R3HDM1: variants seen among roughly 807,000 people sequenced by gnomAD.
R3HDM1 encodes R3H domain-containing protein 1.
A neutral mutation model predicts 141.1 loss-of-function variants in R3HDM1; 46 were observed. The observed-to-expected ratio is 0.33, with a 90% CI of 0.26 to 0.42. The LOEUF is 0.42. Among genes scored for constraint, R3HDM1 ranks in the 10% least tolerant of loss-of-function variants. The pLI is 1.00. For synonymous variants in R3HDM1, 435 were observed against 472.9 expected, an observed-to-expected ratio of 0.92 and a Z score of 1.04; for missense variants, 1,184 against 1,368.3, an observed-to-expected ratio of 0.87 and a Z score of 2.12.
chr2:135,714,868 A>C (rs1451686362), intron 23 of R3HDM1, among the ~76,000 whole-genome samples: 2 of 152,190 alleles, frequency 1.3e-5, no homozygotes, highest in East Asian at 3.8e-4. Flanking sequence ...ACTATTCTCT[A>C]ATGAAATTAT....
intron 1 of R3HDM1, among the ~76,000 whole-genome samples, chr2:135,535,732 A>G (rs1319375339): frequency 6.6e-6 from 1 of 152,174 alleles, no homozygotes. Context: ...CTTCTCAAAT[A>G]AGGAAGTTAT....
intron 24 of R3HDM1, among the ~76,000 whole-genome samples, chr2:135,718,566 T>C (rs2076387142): frequency 6.6e-6 from 1 of 152,096 alleles, no homozygotes; most frequent in South Asian, 2.1e-4. Flanking sequence ...CGCTACAGCC[T>C]TAACCTCCCC....
At chr2:135,640,544 G>T (rs2063694344) in intron 14 of R3HDM1, among the ~76,000 whole-genome samples, 1 of 152,094 alleles carries the variant, frequency 6.6e-6, no homozygotes, top group African/African-American at 2.4e-5. Flanking sequence ...CTTTTAATAG[G>T]CAAAAAATGA....
chr2:135,688,029 G>A (rs990537557), intron 21 of R3HDM1, among the ~76,000 whole-genome samples: 1 of 152,126 alleles, frequency 6.6e-6, no homozygotes, highest in Non-Finnish European at 1.5e-5. Flanking sequence ...TCGTGGACAC[G>A]TTCAGTGTGG....
At chr2:135,572,234 C>T (rs1307755592) in intron 1 of R3HDM1, among the ~76,000 whole-genome samples, 1 of 152,166 alleles carries the variant, frequency 6.6e-6, no homozygotes, top group Admixed American at 6.5e-5. Flanking sequence ...GGATTACAGG[C>T]ATGAGCCACT....
Position 135,595,924 on chromosome 2 carries a change from C to A in R3HDM1, c.-249-6576C>A, listed in dbSNP as rs192281734. ...TCTATATTGTAGCTAAAATCATTCT[C>A]CCTGGCTTCTCTTAAAATGTGTTCC... On this transcript the variant is annotated intron_variant, in intron 1 of 26. Transcript: ENST00000683871. 2.0e-3 allele frequency among the ~76,000 whole-genome samples: 307 copies of A among 152,288 alleles called. 2 individuals are homozygous for A. Among genetic ancestry groups the A allele is most frequent in the African/African-American group, 6.6e-3 (275 of 41,554 alleles).
chr2:135,547,566 C>T (rs1245021916), intron 1 of R3HDM1, among the ~76,000 whole-genome samples: 1 of 151,020 alleles, frequency 6.6e-6, no homozygotes, highest in Non-Finnish European at 1.5e-5. Flanking sequence ...GATTTTTCTC[C>T]TGGAATCTTA....
chr2:135,554,995 C>T (rs1000899924), intron 1 of R3HDM1, among the ~76,000 whole-genome samples: 2 of 152,040 alleles, frequency 1.3e-5, no homozygotes, highest in African/African-American at 4.8e-5. Context: ...CTGTGACATA[C>T]AGTAGTAAAC....
chr2:135,555,236 G>A (rs1303334220), intron 1 of R3HDM1, among the ~76,000 whole-genome samples: 1 of 150,502 alleles, frequency 6.6e-6, no homozygotes, highest in Non-Finnish European at 1.5e-5. Flanking sequence ...GGTGGAGATT[G>A]TAGTGAGCCG....
At chr2:135,544,537 A>T (rs1355801238) in intron 1 of R3HDM1, among the ~76,000 whole-genome samples, 1 of 152,248 alleles carries the variant, frequency 6.6e-6, no homozygotes, top group African/African-American at 2.4e-5. Flanking sequence ...GGGCTAACAA[A>T]AAAAGGTAAA....
intron 1 of R3HDM1, among the ~76,000 whole-genome samples, chr2:135,579,817 C>A (rs1706383912): frequency 6.6e-6 from 1 of 152,130 alleles, no homozygotes; most frequent in Non-Finnish European, 1.5e-5. Context: ...AATAGTGTTA[C>A]ATCAATGTTA....
Position 135,724,154 on chromosome 2 carries a change from C to T in R3HDM1, c.3267C>T (p.Thr1089=), listed in dbSNP as rs750644109. The change falls in exon 27 of 27, where the codon ACC becomes ACT. Residue 1089 remains threonine, a synonymous_variant. Coordinates refer to ENST00000683871, the MANE Select transcript of R3HDM1 (RefSeq NM_001378107.1). ...CCAGTGACTTGGCCTCCACCTACAC[C>T]GTCTTAGCCACATTCCCCTCCATTT... ...SKPSDLASTY[T]VLATFPSISA... is the part of the protein sequence containing the mutation. 26 of 1,613,960 alleles carry T rather than the reference C, an allele frequency of 1.6e-5. No individual in the cohort carries two copies. Among genetic ancestry groups the T allele is most frequent in the South Asian group, 5.5e-5 (5 of 91,068 alleles).
chr2:135,573,070 TTGATTG>T (rs1231857572), intron 1 of R3HDM1, among the ~76,000 whole-genome samples: 1 of 152,152 alleles, frequency 6.6e-6, no homozygotes, highest in Non-Finnish European at 1.5e-5. Context: ...TATTCTAAAA[TTGATTG>T]TGATTGTTAC....
rs759133439 is a variant in R3HDM1, at chr2:135,604,963, A to G, written c.118A>G (p.Lys40Glu). ...TCTTATCAAATCAGAAAACTATGGG[A>G]AGATTTTGGTAGAGAAGAATGAACA... ...ENLIKSENYGKILVEKNEHCI... is the reference protein window; with the variant it reads ...ENLIKSENYGEILVEKNEHCI... The change falls in exon 3 of 27, where the codon AAG becomes GAG. Residue 40 changes from lysine (K) to glutamate (E), a missense_variant. By Grantham distance (56) the Lys-to-Glu change is moderately conservative. Transcript: ENST00000683871. The G allele has an allele frequency of 6.2e-7, 1 of 1,612,578 alleles. No homozygotes were observed. The highest frequency in any genetic ancestry group is 8.5e-7 in the Non-Finnish European group (1 of 1,178,898).
At chr2:135,656,504 C>T (rs1046093773) in intron 18 of R3HDM1, 14 of 151,730 alleles carry the variant, frequency 9.2e-5, no homozygotes, top group Admixed American at 4.6e-4. Context: ...TACGAATTTC[C>T]GTGTCATCCT....
intron 21 of R3HDM1, among the ~76,000 whole-genome samples, chr2:135,704,564 G>A (rs941588400): frequency 6.6e-6 from 1 of 150,778 alleles, no homozygotes; most frequent in Non-Finnish European, 1.5e-5. Flanking sequence ...TCTGCCTCCC[G>A]GGTTCAAGTG....
intron 1 of R3HDM1, among the ~76,000 whole-genome samples, chr2:135,558,529 G>A (rs1346074392): frequency 6.6e-6 from 1 of 152,174 alleles, no homozygotes; most frequent in East Asian, 1.9e-4. Flanking sequence ...CTTAATCCAT[G>A]TAAATGTGCC....
At chr2:135,661,212 GA>G (rs1470955392) in intron 18 of R3HDM1, 57 bp from the exon 19 acceptor site, 1 of 1,588,486 alleles carries the variant, frequency 6.3e-7, no homozygotes, top group Non-Finnish European at 8.6e-7. Flanking sequence ...CTTCCTCACA[GA>G]AAAACATATG....
intron 1 of R3HDM1, among the ~76,000 whole-genome samples, chr2:135,545,749 T>TG (rs1046970470): frequency 1.4e-4 from 22 of 152,286 alleles, no homozygotes; most frequent in African/African-American, 5.1e-4. Context: ...GTAGTGGATT[T>TG]GGGGGGACAC....
Sources: allele counts gnomAD v4.1 joint callset (sites outside exome capture counted in the v4.1 genomes callset), GRCh38; gene constraint gnomAD v4.1.1; transcripts MANE v1.5; gene names NCBI Gene and HGNC (gene_info 2026-07-23, HGNC 2026-07-21).